Variants in DIP2C observed in about 807,000 individuals in gnomAD.
The protein encoded by DIP2C is DIP2 acetate--CoA ligase C (putative), also known as disco-interacting protein 2 homolog C.
In DIP2C, 33 loss-of-function variants were observed where a neutral mutation model predicts 192.4. The observed-to-expected ratio is 0.17, with a 90% CI of 0.13 to 0.23. The LOEUF is 0.23. Ranked by LOEUF, DIP2C falls within the 10% of genes least tolerant of loss-of-function variation. DIP2C has a pLI of 1.00. For synonymous variants in DIP2C, 979 were observed against 864.1 expected (o/e 1.13, Z -2.33); for missense variants, 1,537 against 2,110.1 (o/e 0.73, Z 5.32).
intron 2 of DIP2C, among the ~76,000 whole-genome samples, chr10:483,559 C>A (rs143925559): frequency 2.6e-5 from 4 of 152,208 alleles, no homozygotes; most frequent in African/African-American, 9.7e-5. Context: ...CGGCCCGGGC[C>A]GTCCTTCTCC....
At chr10:313,567 C>A (rs1956651842) in intron 31 of DIP2C, among the ~76,000 whole-genome samples, 1 of 152,172 alleles carries the variant, frequency 6.6e-6, no homozygotes, top group Non-Finnish European at 1.5e-5. Flanking sequence ...TCGTATTCGG[C>A]ATCACAAGTC....
At position 414,186 on chromosome 10, in the gene DIP2C, G is replaced by T. The variant is rs545013990; in HGVS notation, c.860-76C>A. On this transcript the variant is annotated intron_variant, in intron 7 of 36. Transcript: ENST00000280886. ...ATGGCTACTTTTTATTCTTTATAAAGAAGCCAAGAGATTTATACTTAAGCT... is the reference window on the plus strand; with the variant it reads ...ATGGCTACTTTTTATTCTTTATAAATAAGCCAAGAGATTTATACTTAAGCT... 3.4e-6 allele frequency: 5 copies of T among 1,465,112 alleles called. No homozygotes were observed. The Admixed American group carries it at 6.6e-5, about 19-fold the overall frequency. 90.8% of individuals were successfully genotyped at this position (1,465,112 alleles called of 1,614,324 possible). A position where few individuals can be genotyped will look rare whatever the true frequency, so the allele number is the denominator to read the frequency against.
At chr10:462,580 A>G (rs1969882235) in intron 3 of DIP2C, among the ~76,000 whole-genome samples, 1 of 152,180 alleles carries the variant, frequency 6.6e-6, no homozygotes, top group Admixed American at 6.5e-5. Flanking sequence ...TTCACAGCCA[A>G]CTCTTACCAG....
chr10:517,099 A>T (rs1305529524), intron 1 of DIP2C, among the ~76,000 whole-genome samples: 1 of 151,808 alleles, frequency 6.6e-6, no homozygotes, highest in Non-Finnish European at 1.5e-5. Context: ...CTCCATGGAA[A>T]CACGGACTTG....
intron 3 of DIP2C, among the ~76,000 whole-genome samples, chr10:470,049 T>A (rs115456208): frequency 6.6e-6 from 1 of 151,944 alleles, no homozygotes; most frequent in East Asian, 1.9e-4. Context: ...ATGGATGAAA[T>A]GTTTGATAGA....
At chr10:387,198 T>A (rs1963026836) in intron 14 of DIP2C, among the ~76,000 whole-genome samples, 1 of 152,106 alleles carries the variant, frequency 6.6e-6, no homozygotes, top group Non-Finnish European at 1.5e-5. Flanking sequence ...AAGATAATGA[T>A]CTCCACGTGA....
intron 1 of DIP2C, among the ~76,000 whole-genome samples, chr10:608,990 A>T (rs1030360443): frequency 2.6e-5 from 4 of 152,012 alleles, no homozygotes; most frequent in Non-Finnish European, 4.4e-5. Flanking sequence ...AAAAATCCTA[A>T]TATCTACACA....
intron 1 of DIP2C, among the ~76,000 whole-genome samples, chr10:611,292 GC>G (rs1403842383): frequency 6.6e-6 from 1 of 152,168 alleles, no homozygotes. Context: ...AGCCTGTACA[GC>G]CCACAGAACA....
chr10:466,693 G>GA (rs1416085945), intron 3 of DIP2C, among the ~76,000 whole-genome samples: 2 of 151,240 alleles, frequency 1.3e-5, no homozygotes, highest in African/African-American at 4.8e-5. Flanking sequence ...AAATTTACAA[G>GA]AAAAAAACAA....
At chr10:427,348 T>C (rs1421409413) in intron 4 of DIP2C, among the ~76,000 whole-genome samples, 1 of 152,226 alleles carries the variant, frequency 6.6e-6, no homozygotes, top group Non-Finnish European at 1.5e-5. Flanking sequence ...AGTGGTCCCA[T>C]ATCAAGATCT....
At chr10:383,962 CG>C (rs1322351472) in intron 16 of DIP2C, 64 bp downstream of exon 16, 231 of 1,230,442 alleles carry the variant, frequency 1.9e-4, no homozygotes, top group Admixed American at 5.2e-4. Flanking sequence ...GCCTGCCTCA[CG>C]AAAAAAAAAA....
intron 1 of DIP2C, among the ~76,000 whole-genome samples, chr10:594,102 G>A (rs1174561853): frequency 6.6e-6 from 1 of 152,230 alleles, no homozygotes; most frequent in Non-Finnish European, 1.5e-5. Context: ...TTTACGCAGT[G>A]GGATGACAGA....
At chr10:286,855 T>C (rs1589389655) in intron 33 of DIP2C, among the ~76,000 whole-genome samples, 2 of 152,164 alleles carry the variant, frequency 1.3e-5, no homozygotes, top group African/African-American at 4.8e-5. Flanking sequence ...ATAGTGACGT[T>C]TTCAGGGGTA....
intron 2 of DIP2C, among the ~76,000 whole-genome samples, chr10:475,857 C>T (rs1159724405): frequency 6.6e-6 from 1 of 152,150 alleles, no homozygotes. Context: ...CGCACAGGGC[C>T]CAGGGGCAGC....
At chr10:504,445 G>C (rs568036218) in intron 1 of DIP2C, among the ~76,000 whole-genome samples, 5 of 152,170 alleles carry the variant, frequency 3.3e-5, no homozygotes, top group Admixed American at 6.6e-5. Context: ...CAATGTTGCC[G>C]TCAGACCTGC....
Position 570,846 on chromosome 10 carries a change from T to C in DIP2C, c.86-84316A>G, listed in dbSNP as rs115325943. 4.7e-3 allele frequency among the ~76,000 whole-genome samples: 713 copies of C among 152,370 alleles called. 7 individuals are homozygous for C. The highest frequency in any genetic ancestry group is 0.016 in the African/African-American group (659 of 41,586). ...TGAAGAAACGCAGAGCATGGAGCTC[T>C]GGTAATAATTAAAAGCGTGTTTCAT... On this transcript the variant is annotated intron_variant, in intron 1 of 36. Coordinates refer to ENST00000280886, the MANE Select transcript of DIP2C (RefSeq NM_014974.3).
intron 1 of DIP2C, among the ~76,000 whole-genome samples, chr10:678,445 A>C (rs1411341498): frequency 1.3e-5 from 2 of 151,624 alleles, no homozygotes; most frequent in African/African-American, 4.9e-5. Context: ...AGCATCTGTC[A>C]GAGCAGAGGA....
At chr10:429,663 C>T (rs1966833701) in intron 4 of DIP2C, among the ~76,000 whole-genome samples, 1 of 151,342 alleles carries the variant, frequency 6.6e-6, no homozygotes. Flanking sequence ...TTGCATATTG[C>T]TAAGTGAAAG....
intron 1 of DIP2C, chr10:664,933 A>C (rs924337318): frequency 1.3e-5 from 2 of 152,204 alleles, no homozygotes; most frequent in East Asian, 3.8e-4. Context: ...AAAGTACATT[A>C]AAACCTTTAT....
Sources: allele counts gnomAD v4.1 joint callset (sites outside exome capture counted in the v4.1 genomes callset), GRCh38; gene constraint gnomAD v4.1.1; transcripts MANE v1.5; gene names NCBI Gene and HGNC (gene_info 2026-07-23, HGNC 2026-07-21).